The following TRIM69 variants were observed in gnomAD, a reference collection of about 807,000 sequenced individuals.
TRIM69 encodes the protein E3 ubiquitin-protein ligase TRIM69.
A neutral mutation model predicts 37.7 loss-of-function variants in TRIM69; 29 were observed. The observed-to-expected ratio is 0.77, with a 90% CI of 0.57 to 1.05. TRIM69 has a LOEUF of 1.05. Ranked by LOEUF, TRIM69 falls within the 50% of genes least tolerant of loss-of-function variation. TRIM69 has a pLI of 0.00. For synonymous variants in TRIM69, 209 were observed against 212.4 expected (o/e 0.98, Z 0.14); for missense variants, 596 against 579.9 (o/e 1.03, Z -0.28).
At chr15:44,758,427 A>G (rs2087698906) in intron 3 of TRIM69, 194 bp from the exon 4 acceptor site, 5 of 829,286 alleles carry the variant, frequency 6.0e-6, no homozygotes, top group Middle Eastern at 3.6e-4. Context: ...ATCCTGAACT[A>G]TTAAATTAGT....
chr15:44,738,244 T>TC (rs1441487290), intron 1 of TRIM69, among the ~76,000 whole-genome samples: 2 of 150,028 alleles, frequency 1.3e-5, no homozygotes, highest in Non-Finnish European at 3.0e-5. Context: ...TTATTATTTT[T>TC]TTTTTTAGTA....
chr15:44,745,831 A>G (rs963048796), intron 1 of TRIM69, among the ~76,000 whole-genome samples: 2 of 152,300 alleles, frequency 1.3e-5, no homozygotes, highest in African/African-American at 4.8e-5. Flanking sequence ...AACTGAAAAT[A>G]GGTCAATTGA....
At position 44,756,695 on chromosome 15, in the gene TRIM69, C is replaced by T. The variant is rs993796830; in HGVS notation, c.579+232C>T. 4.0e-5 allele frequency: 15 copies of T among 376,002 alleles called. No individual in the cohort carries two copies. In the Admixed American group the frequency reaches 5.5e-4, roughly 14 times the overall value. The allele number at this position is 376,002 out of a possible 1,614,324, so 23.3% of individuals were successfully genotyped here. A position where few individuals can be genotyped will look rare whatever the true frequency, so the allele number is the denominator to read the frequency against. Reference sequence around the variant, plus strand: ...CTTTCCCCTAATATGCTGATCTTTTCGATAGTTCAGTCACCAGGTGACTGT... The same window carrying T: ...CTTTCCCCTAATATGCTGATCTTTTTGATAGTTCAGTCACCAGGTGACTGT... On this transcript the variant is annotated intron_variant, in intron 3 of 6. Coordinates refer to ENST00000329464, the MANE Select transcript of TRIM69 (RefSeq NM_182985.5).
At chr15:44,749,283 T>C (rs1484627134) in intron 1 of TRIM69, among the ~76,000 whole-genome samples, 2 of 152,310 alleles carry the variant, frequency 1.3e-5, no homozygotes, top group South Asian at 2.1e-4. Context: ...TTTAGTGCGT[T>C]CACAATGGTG....
intron 1 of TRIM69, among the ~76,000 whole-genome samples, chr15:44,745,504 T>C (rs921760652): frequency 1.3e-5 from 2 of 152,058 alleles, no homozygotes; most frequent in African/African-American, 4.8e-5. Flanking sequence ...TATAAATAAA[T>C]AAGAACATAT....
At chr15:44,740,578 A>G (rs536760197) in intron 1 of TRIM69, among the ~76,000 whole-genome samples, 3 of 152,158 alleles carry the variant, frequency 2.0e-5, no homozygotes, top group African/African-American at 4.8e-5. Flanking sequence ...CCCATCTCAC[A>G]TGCAGAGACA....
chr15:44,763,567 G>C (rs1056743631), intron 6 of TRIM69, among the ~76,000 whole-genome samples: 1 of 152,288 alleles, frequency 6.6e-6, no homozygotes, highest in Middle Eastern at 3.4e-3. Context: ...CTCCCTGAGG[G>C]TAGTGTATTA....
At chr15:44,752,166 C>T (rs1305615109) in intron 1 of TRIM69, among the ~76,000 whole-genome samples, 1 of 151,998 alleles carries the variant, frequency 6.6e-6, no homozygotes, top group Non-Finnish European at 1.5e-5. Context: ...TATGAATTTT[C>T]CAGTTTTTCT....
At position 44,755,337 on chromosome 15, in the gene TRIM69, G is replaced by A. The variant is rs1456040682; in HGVS notation, c.444G>A (p.Lys148=). 11 of 1,613,758 alleles carry A rather than the reference G, an allele frequency of 6.8e-6. No homozygotes were observed. The highest frequency in any genetic ancestry group is 9.3e-6 in the Non-Finnish European group (11 of 1,180,010). The change falls in exon 2 of 7, where the codon AAG becomes AAA. Residue 148 remains lysine (K), a synonymous_variant. Transcript: ENST00000329464. The part of the protein sequence containing the change: ...KDARLSVGQS[K]EFLQISDAVH... Reference sequence around the variant, plus strand: ...CTCGGTTGTCTGTGGGGCAGTCTAAGGAGTTCCTGCAAATCTCTGATGCTG... The same window carrying A: ...CTCGGTTGTCTGTGGGGCAGTCTAAAGAGTTCCTGCAAATCTCTGATGCTG...
intron 6 of TRIM69, 86 bp from the exon 7 acceptor site, chr15:44,767,145 T>C: frequency 1.9e-6 from 2 of 1,048,366 alleles, no homozygotes; most frequent in Non-Finnish European, 2.8e-6. Context: ...AAAGTACTAT[T>C]GAATATGAAA....
Position 44,736,831 on chromosome 15 carries a change from A to G in TRIM69, c.6+121A>G, listed in dbSNP as rs1397944598. On this transcript the variant is annotated intron_variant, in intron 1 of 6. Coordinates refer to ENST00000329464, the MANE Select transcript of TRIM69 (RefSeq NM_182985.5). The stretch of plus-strand genomic sequence containing the variant: ...GGAAATTCATGAAGGGAAGTATTTA[A>G]CTTGTGACAGCTGGTAGCTACTATA... The G allele has an allele frequency of 2.6e-6, 3 of 1,145,360 alleles. No homozygotes were observed. The African/African-American group carries it at 4.7e-5, about 18-fold the overall frequency. The allele number at this position is 1,145,360 out of a possible 1,614,324, so 70.9% of individuals were successfully genotyped here.
In TRIM69 at chr15:44,758,688, G is replaced by T; in HGVS notation, c.647G>T (p.Ser216Ile). 1 of 1,614,136 alleles carries T rather than the reference G, an allele frequency of 6.2e-7. No homozygotes were observed. The highest frequency in any genetic ancestry group is 8.5e-7 in the Non-Finnish European group (1 of 1,180,008). ...CTAAAGCTGCATCAGTTCCTGCACA[G>T]CAAAGAAAAGGACATTTTAACTGAG... ...EFLKLHQFLHSKEKDILTELR... is the reference protein window; with the variant it reads ...EFLKLHQFLHIKEKDILTELR... Residue 216 changes from serine to isoleucine, a missense_variant, in exon 4 of 7, where the codon AGC becomes ATC. Physicochemically the swap from Ser to Ile is moderately radical, Grantham distance 142. Transcript: ENST00000329464.
chr15:44,754,937 A>G lies in TRIM69; in HGVS notation c.44A>G (p.Asp15Gly). The G allele has an allele frequency of 1.2e-6, 2 of 1,613,840 alleles. No individual in the cohort carries two copies. The highest frequency in any genetic ancestry group is 2.2e-5 in the East Asian group (1 of 44,878). The change falls in exon 2 of 7, where the codon GAC becomes GGC. Residue 15 changes from aspartate to glycine, a missense_variant. Transcript: ENST00000329464. ...CCCTCCTCCAACATCGATCCAGGCG[A>G]CTATGTTGAAATGAATGATTCAATC... ...TNPSSNIDPG[D>G]YVEMNDSITH...
chr15:44,755,923 G>T (rs139367884), intron 2 of TRIM69, among the ~76,000 whole-genome samples: 1 of 152,296 alleles, frequency 6.6e-6, no homozygotes, highest in East Asian at 1.9e-4. Context: ...AACAACACAA[G>T]TAAAATGATA....
At position 44,767,301 on chromosome 15, in the gene TRIM69, C is replaced by T. The variant is rs1440469331; in HGVS notation, c.1032C>T (p.Ser344=). ...PNLVLSKSQT[S]VWHGDIKKIM... Reference sequence around the variant, plus strand: ...TGGTGCTCTCCAAAAGCCAAACCAGCGTCTGGCATGGTGACATTAAGAAGA... The same window carrying T: ...TGGTGCTCTCCAAAAGCCAAACCAGTGTCTGGCATGGTGACATTAAGAAGA... Residue 344 remains serine, a synonymous_variant, in exon 7 of 7, where the codon AGC becomes AGT. Transcript: ENST00000329464. 6.8e-6 allele frequency: 11 copies of T among 1,613,888 alleles called. No homozygotes were observed. In the Middle Eastern group the frequency reaches 4.9e-4, roughly 72 times the overall value.
intron 1 of TRIM69, chr15:44,752,995 G>T (rs1342991342): frequency 1.3e-5 from 2 of 152,102 alleles, no homozygotes; most frequent in East Asian, 3.9e-4. Flanking sequence ...CATAACTATT[G>T]TTTTGTGCAT....
rs147326116 is a variant in TRIM69, at chr15:44,750,588, C to T, written c.7-4312C>T. 6.2e-3 allele frequency among the ~76,000 whole-genome samples: 941 copies of T among 151,968 alleles called. 9 individuals are homozygous for T. Among genetic ancestry groups the T allele is most frequent in the African/African-American group, 0.021 (867 of 41,480 alleles). ...TTTCTGTAAGATCTGTACTAATTTA[C>T]CCACTTTCATTTCTGATTTTAGTAA... is the stretch of plus-strand genomic sequence containing the variant. On this transcript the variant is annotated intron_variant, in intron 1 of 6. Transcript: ENST00000329464.
chr15:44,763,943 T>G (rs2087833888), intron 6 of TRIM69, among the ~76,000 whole-genome samples: 1 of 152,218 alleles, frequency 6.6e-6, no homozygotes, highest in South Asian at 2.1e-4. Context: ...TTGGCAAGAT[T>G]GAAAATTATT....
In TRIM69 at chr15:44,767,605, T is replaced by A; in HGVS notation, c.1336T>A (p.Tyr446Asn). 1 of 1,614,210 alleles carries A rather than the reference T, an allele frequency of 6.2e-7. No homozygotes were observed. The highest frequency in any genetic ancestry group is 8.5e-7 in the Non-Finnish European group (1 of 1,180,034). ...TAACAACCTCGACAAGGTGGGCATA[T>A]ACCTGGATTATGAAGGAGGACAGTT... ...LTNNLDKVGI[Y>N]LDYEGGQLSF... Residue 446 changes from tyrosine (Y) to asparagine (N), a missense_variant, in exon 7 of 7, where the codon TAC becomes AAC. By Grantham distance (143) the Tyr-to-Asn change is moderately radical (BLOSUM62 -2). Transcript: ENST00000329464.
Sources: allele counts gnomAD v4.1 joint callset (sites outside exome capture counted in the v4.1 genomes callset), GRCh38; gene constraint gnomAD v4.1.1; transcripts MANE v1.5; gene names NCBI Gene and HGNC (gene_info 2026-07-23, HGNC 2026-07-21).